CLEC2L: variants seen among roughly 807,000 people sequenced by gnomAD.
The protein encoded by CLEC2L is C-type lectin domain family 2 member L.
CLEC2L carries 14 observed loss-of-function variants against 23.6 expected under a neutral mutation model. The observed-to-expected ratio is 0.59, with a 90% CI of 0.39 to 0.93. The LOEUF (loss-of-function observed/expected upper bound fraction) is 0.93. Ranked by LOEUF, CLEC2L falls within the 40% of genes least tolerant of loss-of-function variation. The pLI, the probability that CLEC2L is intolerant of heterozygous loss-of-function variation, is 0.00. For synonymous variants in CLEC2L, 114 were observed against 121.3 expected (o/e 0.94, Z 0.40); for missense variants, 264 against 282.4 (o/e 0.93, Z 0.47).
At position 139,539,487 on chromosome 7, in the gene CLEC2L, C is replaced by T. The variant is rs990928985; in HGVS notation, c.266-834C>T. The T allele has an allele frequency of 4.6e-5, 7 of 152,160 alleles. No homozygotes were observed. The highest frequency in any genetic ancestry group is 1.9e-4 in the East Asian group (1 of 5,196). 9.4% of individuals were successfully genotyped at this position (152,160 alleles called of 1,614,324 possible). A position where few individuals can be genotyped will look rare whatever the true frequency, so the allele number is the denominator to read the frequency against. ...AAAGTCCATGTATGCACATACCCGC[C>T]GATCTGTTCGTGGAAGCAGTCTGCA... On this transcript the variant is annotated intron_variant, in intron 2 of 4. Transcript: ENST00000422142. This position sits in a 1 kb window ranked among gnomAD's most constrained non-coding sequence, Gnocchi z 4.1.
chr7:139,538,031 G>A (rs1797683521), intron 2 of CLEC2L, among the ~76,000 whole-genome samples: 1 of 152,160 alleles, frequency 6.6e-6, no homozygotes, highest in Non-Finnish European at 1.5e-5. Context: ...CATAAGACCA[G>A]AGGTGGAATC....
chr7:139,532,722 C>T (rs1014420298), intron 1 of CLEC2L, among the ~76,000 whole-genome samples: 3 of 152,166 alleles, frequency 2.0e-5, no homozygotes, highest in African/African-American at 7.2e-5. Context: ...GACACCAGAA[C>T]TTCCTCTCTC....
rs1797780162 is a variant in CLEC2L at position 139,544,428 on chromosome 7, C to T, written c.*86C>T. On this transcript the variant is annotated 3_prime_UTR_variant, in exon 5 of 5. Coordinates refer to ENST00000422142, the MANE Select transcript of CLEC2L (RefSeq NM_001080511.4). Reference sequence around the variant, plus strand: ...CAAGACCTGCTTCCAGCGGAGCCGCCTGCCCTCTGCAAGGCGAAGCGGTGG... The same window carrying T: ...CAAGACCTGCTTCCAGCGGAGCCGCTTGCCCTCTGCAAGGCGAAGCGGTGG... 2 of 991,164 alleles carry T rather than the reference C, an allele frequency of 2.0e-6. No individual in the cohort carries two copies. The highest frequency in any genetic ancestry group is 1.6e-5 in the African/African-American group (1 of 62,400). 61.4% of individuals were successfully genotyped at this position (991,164 alleles called of 1,614,324 possible).
At chr7:139,543,973 A>G (rs919943377) in intron 4 of CLEC2L, among the ~76,000 whole-genome samples, 10 of 152,150 alleles carry the variant, frequency 6.6e-5, no homozygotes, top group Admixed American at 3.3e-4. Flanking sequence ...CTGCAAGGAC[A>G]TTGAGAATGG....
At chr7:139,528,267 AG>A (rs1797532908) in intron 1 of CLEC2L, among the ~76,000 whole-genome samples, 1 of 152,218 alleles carries the variant, frequency 6.6e-6, no homozygotes, top group Admixed American at 6.5e-5. Context: ...ACTGGAGTAG[AG>A]TGGGCCCTAA....
chr7:139,544,133 G>A (rs900408267), intron 4 of CLEC2L, 98 bp from the exon 5 acceptor site: 2 of 781,160 alleles, frequency 2.6e-6, no homozygotes, highest in Non-Finnish European at 4.3e-6. Context: ...TGAAGTGAGG[G>A]AGGGATAGGT....
chr7:139,534,374 C>T, intron 1 of CLEC2L: 1 of 939,128 alleles, frequency 1.1e-6, no homozygotes, highest in African/African-American at 1.6e-5. Flanking sequence ...GAATGAATCC[C>T]AACAGTCCCT....
In CLEC2L at chr7:139,541,228, C is replaced by T. The variant is rs139875167; in HGVS notation, c.432+741C>T. Among the ~76,000 whole-genome samples, 1,107 of 151,930 alleles carry T rather than the reference C, an allele frequency of 7.3e-3. 6 individuals are homozygous for T. The highest frequency in any genetic ancestry group is 0.012 in the Non-Finnish European group (812 of 67,984). On this transcript the variant is annotated intron_variant, in intron 3 of 4. Coordinates refer to ENST00000422142, the MANE Select transcript of CLEC2L (RefSeq NM_001080511.4). The stretch of plus-strand genomic sequence containing the variant: ...TTCACCATGTTGGCCAGGCTGGTCT[C>T]GAACTCCTGGCTTCAAGTGATCCAC...
chr7:139,529,940 C>T (rs545843242), intron 1 of CLEC2L, among the ~76,000 whole-genome samples: 77 of 151,500 alleles, frequency 5.1e-4, no homozygotes, highest in South Asian at 8.3e-4. Flanking sequence ...TGGTGATGTG[C>T]GCCTATAGTC....
intron 2 of CLEC2L, among the ~76,000 whole-genome samples, chr7:139,538,430 C>CAAAAAAA (rs34520005): frequency 1.0e-5 from 1 of 98,122 alleles, no homozygotes; most frequent in Non-Finnish European, 2.1e-5. Flanking sequence ...GACTCTGTCT[C>CAAAAAAA]AAAAAAAAAA....
chr7:139,529,837 T>TG (rs1797553836), intron 1 of CLEC2L, among the ~76,000 whole-genome samples: 1 of 151,476 alleles, frequency 6.6e-6, no homozygotes. Flanking sequence ...GAGGCCGAGG[T>TG]GGGTGGATCA....
At chr7:139,542,153 G>A (rs551639074) in intron 4 of CLEC2L, 32 bp downstream of exon 4, 2 of 1,503,338 alleles carry the variant, frequency 1.3e-6, no homozygotes, top group Admixed American at 1.9e-5. Flanking sequence ...TGGCTACCGA[G>A]CTTAGACTGA....
intron 1 of CLEC2L, among the ~76,000 whole-genome samples, 198 bp from the exon 2 acceptor site, chr7:139,536,076 G>A (rs780352381): frequency 6.6e-6 from 1 of 152,168 alleles, no homozygotes; most frequent in Non-Finnish European, 1.5e-5. Context: ...AGGCCAAGGC[G>A]GGTGGATCAT....
At chr7:139,534,219 C>T in intron 1 of CLEC2L, 1 of 853,342 alleles carries the variant, frequency 1.2e-6, no homozygotes, top group Non-Finnish European at 2.0e-6. Context: ...TCGGCAGCGG[C>T]TGTAGCAAAG....
intron 1 of CLEC2L, among the ~76,000 whole-genome samples, chr7:139,528,582 G>C (rs1478311740): frequency 6.6e-6 from 1 of 152,124 alleles, no homozygotes; most frequent in Non-Finnish European, 1.5e-5. Flanking sequence ...AGCATGATTT[G>C]GGAAAAACCT....
In CLEC2L at chr7:139,536,107, C is replaced by A. The variant is rs186787973; in HGVS notation, c.191-167C>A. Among the ~76,000 whole-genome samples the A allele has an allele frequency of 4.1e-3, 630 of 152,294 alleles. 4 individuals carry two copies. The highest frequency in any genetic ancestry group is 0.021 in the Middle Eastern group (6 of 292). On this transcript the variant is annotated intron_variant, in intron 1 of 4. Transcript: ENST00000422142. ...ATCATTTGAGGTCAGGAGTTCGAGA[C>A]CAGCCTGGCCAACATGGTGAAACCC...
At chr7:139,524,424 C>T (rs184816946) in intron 1 of CLEC2L, among the ~76,000 whole-genome samples, 246 of 152,374 alleles carry the variant, frequency 1.6e-3, no homozygotes, top group African/African-American at 5.6e-3. Context: ...AGGGGACAAA[C>T]ACTGCCTGAC....
chr7:139,533,459 G>A (rs887992154), intron 1 of CLEC2L, among the ~76,000 whole-genome samples: 3 of 152,158 alleles, frequency 2.0e-5, no homozygotes, highest in East Asian at 3.9e-4. Context: ...GAGTTCAATC[G>A]ATACTTCTGC....
At chr7:139,533,835 A>G (rs1178135774) in intron 1 of CLEC2L, among the ~76,000 whole-genome samples, 1 of 152,144 alleles carries the variant, frequency 6.6e-6, no homozygotes, top group Non-Finnish European at 1.5e-5. Context: ...CTTCCTCTCA[A>G]TTTTGGCACT....
Sources: gnomAD v4.1 joint callset for allele counts (sites outside exome capture counted in the v4.1 genomes callset) on GRCh38, gnomAD v4.1.1 for gene constraint, Gnocchi (gnomAD v3.1) non-coding constraint, MANE v1.5 for transcripts, NCBI Gene and HGNC (gene_info 2026-07-23, HGNC 2026-07-21) for gene names.